Variants in GMPS observed in about 807,000 individuals in gnomAD.
GMPS encodes GMP synthase [glutamine-hydrolyzing].
In GMPS, 15 loss-of-function variants were observed where a neutral mutation model predicts 77.9. That is an observed-to-expected ratio of 0.19 (90% CI 0.13 to 0.30). The LOEUF (loss-of-function observed/expected upper bound fraction) is 0.30, where lower values mean the gene tolerates loss of function less well. GMPS is among the 10% of genes least tolerant of loss of function. GMPS has a pLI of 1.00. For missense variants in GMPS, 590 were observed against 838.8 expected (o/e 0.70, Z 3.66); for synonymous variants, 224 against 275.9 (o/e 0.81, Z 1.86).
At chr3:155,869,992 G>A (rs549940953), upstream of GMPS, among the ~76,000 whole-genome samples, 125 of 152,284 alleles carry the variant, frequency 8.2e-4, 1 homozygote, top group African/African-American at 2.9e-3. Flanking sequence ...AAACACTGTT[G>A]TGCAAACAGA....
rs148718145 is a variant in GMPS, at chr3:155,893,959, G to A, written c.209+260G>A. Among the ~76,000 whole-genome samples, 252 of 152,316 alleles carry A rather than the reference G, an allele frequency of 1.7e-3. 7 individuals carry two copies. In the East Asian group the frequency reaches 0.032, roughly 19 times the overall value. On this transcript the variant is annotated intron_variant, in intron 2 of 15. Transcript: ENST00000496455. ...TTATAGGATTTGTGGGTCAGAGTTAGATGTAGCTGTTGTGGCCATTCATTC... is the reference window on the plus strand; with the variant it reads ...TTATAGGATTTGTGGGTCAGAGTTAAATGTAGCTGTTGTGGCCATTCATTC...
At chr3:155,925,163 A>G (rs115994291) in intron 11 of GMPS, 78 bp from the exon 12 acceptor site, 5 of 1,286,154 alleles carry the variant, frequency 3.9e-6, no homozygotes, top group Admixed American at 4.1e-5. Flanking sequence ...AGTAAAATAC[A>G]TAAGATAGTA....
chr3:155,889,654 A>T (rs1442843936), intron 1 of GMPS, among the ~76,000 whole-genome samples: 1 of 152,172 alleles, frequency 6.6e-6, no homozygotes, highest in Non-Finnish European at 1.5e-5. Context: ...ATTATGTGGG[A>T]TCCAAGAAAA....
intron 5 of GMPS, among the ~76,000 whole-genome samples, chr3:155,907,341 T>C (rs774472791): frequency 6.6e-6 from 1 of 152,126 alleles, no homozygotes; most frequent in Non-Finnish European, 1.5e-5. Context: ...TTCCAGCACC[T>C]TGGGAGACTG....
At position 155,910,794 on chromosome 3, in the gene GMPS, T is replaced by C; in HGVS notation, c.629T>C (p.Ile210Thr). Residue 210 changes from isoleucine (I) to threonine (T), a missense_variant, in exon 6 of 16, where the codon ATA (isoleucine) becomes ACA (threonine). By Grantham distance (89) the Ile-to-Thr change is moderately conservative. This residue lies in a region of GMPS where 136 missense variants were observed against 225.6 expected (regional missense o/e 0.60). Transcript: ENST00000496455. ...KVILKNFLYD[I>T]AGCSGTFTVQ... is the part of the protein sequence containing the mutation. ...ATACTGAAGAATTTCCTTTATGATA[T>C]AGCTGGATGCAGTGGAACCTTCACC... 6.2e-7 allele frequency: 1 copy of C among 1,611,952 alleles called. No individual in the cohort carries two copies. The highest frequency in any genetic ancestry group is 8.5e-7 in the Non-Finnish European group (1 of 1,178,246).
intron 2 of GMPS, among the ~76,000 whole-genome samples, chr3:155,895,839 T>C (rs1359005991): frequency 6.6e-6 from 1 of 152,204 alleles, no homozygotes; most frequent in African/African-American, 2.4e-5. Flanking sequence ...TTTGTTTTTT[T>C]AATAGCACTA....
chr3:155,895,098 A>C (rs1055337167), intron 2 of GMPS, among the ~76,000 whole-genome samples: 19 of 152,182 alleles, frequency 1.2e-4, no homozygotes, highest in African/African-American at 4.3e-4. Context: ...TTGGCAAGAG[A>C]AATCTAATGG....
rs900156855 is a variant in GMPS at position 155,938,138 on chromosome 3, A to C, written c.*446A>C. ...AATCAGTTTTCTTATAAGTAATCTT[A>C]TTTCTCCAAAGGGTGAAAAAGAGAT... On this transcript the variant is annotated 3_prime_UTR_variant, in exon 16 of 16. Transcript: ENST00000496455. The C allele has an allele frequency of 1.2e-4, 26 of 225,298 alleles. No homozygotes were observed. The highest frequency in any genetic ancestry group is 1.6e-4 in the Non-Finnish European group (18 of 113,300). The allele number at this position is 225,298 out of a possible 1,614,324, so 14.0% of individuals were successfully genotyped here.
intron 4 of GMPS, among the ~76,000 whole-genome samples, chr3:155,904,521 C>T (rs1577515585): frequency 6.6e-6 from 1 of 152,158 alleles, no homozygotes; most frequent in African/African-American, 2.4e-5. Flanking sequence ...AACTCCTAGA[C>T]CTCGTGATCT....
At chr3:155,904,845 G>C (rs1754831517) in intron 4 of GMPS, among the ~76,000 whole-genome samples, 1 of 152,004 alleles carries the variant, frequency 6.6e-6, no homozygotes, top group African/African-American at 2.4e-5. Flanking sequence ...ACATTTTTCT[G>C]TCTTTCTAGT....
chr3:155,937,466 TC>T, intron 15 of GMPS, 124 bp from the exon 16 acceptor site: 1 of 617,232 alleles, frequency 1.6e-6, no homozygotes, highest in Non-Finnish European at 2.9e-6. Context: ...TCAGAAACCA[TC>T]CCATATACAT....
At chr3:155,901,383 A>G (rs1343774035) in intron 3 of GMPS, among the ~76,000 whole-genome samples, 1 of 152,150 alleles carries the variant, frequency 6.6e-6, no homozygotes, top group Non-Finnish European at 1.5e-5. Flanking sequence ...TGAATATAGC[A>G]TGTTACTTTT....
At chr3:155,927,808 C>T (rs970385048) in intron 12 of GMPS, among the ~76,000 whole-genome samples, 1 of 152,036 alleles carries the variant, frequency 6.6e-6, no homozygotes. Flanking sequence ...CAACTTTTTT[C>T]TTTTAACTGA....
chr3:155,895,832 G>GT (rs1052968773), intron 2 of GMPS, among the ~76,000 whole-genome samples: 5 of 151,914 alleles, frequency 3.3e-5, no homozygotes, highest in African/African-American at 7.3e-5. Context: ...TGACTTTTTT[G>GT]TTTTTTTAAT....
chr3:155,880,601 A>G (rs1375900528), intron 1 of GMPS, among the ~76,000 whole-genome samples: 1 of 152,244 alleles, frequency 6.6e-6, no homozygotes, highest in Non-Finnish European at 1.5e-5. Flanking sequence ...CCCAATCAAG[A>G]TATAGAACAT....
chr3:155,931,697 A>AAT, intron 12 of GMPS, 68 bp from the exon 13 acceptor site: 1 of 573,042 alleles, frequency 1.7e-6, no homozygotes, highest in Non-Finnish European at 3.1e-6. Context: ...AAAAAAAAAA[A>AAT]GCTTTGTCAA....
rs201616006 is a variant in GMPS, at chr3:155,910,666, A to G, written c.527-26A>G. ...AGTCTTTTCAGCATGAAAAAATTTT[A>G]ATTTGTGACTATTTTCTCTATAAAG... On this transcript the variant is annotated intron_variant, in intron 5 of 15. Coordinates refer to ENST00000496455, the MANE Select transcript of GMPS (RefSeq NM_003875.3). The G allele has an allele frequency of 1.4e-4, 174 of 1,282,748 alleles. 4 individuals are homozygous for G. The African/African-American group carries it at 2.2e-3, about 16-fold the overall frequency. 79.5% of individuals were successfully genotyped at this position (1,282,748 alleles called of 1,614,324 possible). A position where few individuals can be genotyped will look rare whatever the true frequency, so the allele number is the denominator to read the frequency against.
chr3:155,913,682 C>T (rs976337473), intron 7 of GMPS, among the ~76,000 whole-genome samples: 5 of 151,832 alleles, frequency 3.3e-5, no homozygotes, highest in African/African-American at 4.8e-5. Context: ...CACTACGCCC[C>T]ACTAATTTTT....
chr3:155,903,095 A>T (rs1223626684), intron 3 of GMPS, among the ~76,000 whole-genome samples: 1 of 152,154 alleles, frequency 6.6e-6, no homozygotes, highest in Non-Finnish European at 1.5e-5. Context: ...CCTGCATTAC[A>T]CATTGTTAAG....
Sources: allele counts gnomAD v4.1 joint callset (sites outside exome capture counted in the v4.1 genomes callset), GRCh38; gene constraint gnomAD v4.1.1; regional missense constraint gnomAD v4.1.1; transcripts MANE v1.5; gene names NCBI Gene and HGNC (gene_info 2026-07-23, HGNC 2026-07-21).